THOC5: variants seen among roughly 807,000 people sequenced by gnomAD.
THOC5 encodes THO complex subunit 5.
THOC5 carries 43 observed loss-of-function variants against 92.9 expected under a neutral mutation model. The ratio of observed to expected loss-of-function variants is 0.46; its 90% CI spans 0.36 to 0.60. THOC5 has a LOEUF of 0.60. Among genes scored for constraint, THOC5 ranks in the 20% least tolerant of loss-of-function variants. The pLI is 0.00. For synonymous variants in THOC5, 296 were observed against 320.1 expected (o/e 0.92, Z 0.80); for missense variants, 659 against 849.4 (o/e 0.78, Z 2.79).
intron 17 of THOC5, among the ~76,000 whole-genome samples, chr22:29,513,491 C>T (rs5752937): frequency 0.17 from 26,513 of 151,946 alleles, 2,548 homozygotes; most frequent in Middle Eastern, 0.23. Flanking sequence ...AGGTCAGGAC[C>T]AGCCCAGCCA....
At chr22:29,534,276 G>A (rs2063710848) in intron 7 of THOC5, among the ~76,000 whole-genome samples, 1 of 152,110 alleles carries the variant, frequency 6.6e-6, no homozygotes, top group Non-Finnish European at 1.5e-5. Context: ...GGGGTGTGAG[G>A]GAAGATAGGG....
At chr22:29,544,987 C>A (rs1013444116) in intron 2 of THOC5, 9 of 361,056 alleles carry the variant, frequency 2.5e-5, no homozygotes, top group South Asian at 1.9e-4. Context: ...TTCCCATCTG[C>A]ATTAGTCCAT....
At chr22:29,538,860 C>T (rs2063818036) in intron 6 of THOC5, among the ~76,000 whole-genome samples, 1 of 148,448 alleles carries the variant, frequency 6.7e-6, no homozygotes, top group African/African-American at 2.5e-5. Flanking sequence ...TCTGTAATCC[C>T]AGCACTTTGG....
chr22:29,511,978 G>A (rs1370694493), intron 18 of THOC5, 43 bp downstream of exon 18: 1 of 1,567,158 alleles, frequency 6.4e-7, no homozygotes, highest in Admixed American at 1.7e-5. Context: ...ACCTCCCCCG[G>A]GAGCTCTGCC....
chr22:29,543,397 G>T, intron 4 of THOC5, 32 bp downstream of exon 4: 3 of 1,387,568 alleles, frequency 2.2e-6, no homozygotes, highest in Non-Finnish European at 3.0e-6. Context: ...GGAGGAAGGA[G>T]GAAGGTTAAA....
chr22:29,523,634 G>T (rs1033826621), intron 12 of THOC5, among the ~76,000 whole-genome samples: 21 of 152,152 alleles, frequency 1.4e-4, no homozygotes, highest in African/African-American at 5.1e-4. Context: ...ACGGTGGAAA[G>T]CCCAAGACAA....
At chr22:29,530,146 AAAAAAAG>A in intron 8 of THOC5, among the ~76,000 whole-genome samples, 1 of 151,676 alleles carries the variant, frequency 6.6e-6, no homozygotes, top group South Asian at 2.1e-4. Context: ...CTGTCTCAAA[AAAAAAAG>A]AAAAAAGAAA....
intron 19 of THOC5, among the ~76,000 whole-genome samples, chr22:29,510,138 G>A (rs1416746497): frequency 6.6e-6 from 1 of 152,196 alleles, no homozygotes; most frequent in African/African-American, 2.4e-5. Context: ...CAAAATGAAA[G>A]AGAAAGGAAA....
At chr22:29,543,057 G>A in intron 4 of THOC5, 101 bp from the exon 5 acceptor site, 2 of 840,226 alleles carry the variant, frequency 2.4e-6, no homozygotes, top group Non-Finnish European at 3.8e-6. Context: ...TAAAGAAGGG[G>A]ATGGGGCTGG....
chr22:29,531,022 G>C (rs1343111029), intron 8 of THOC5: 1 of 1,022,590 alleles, frequency 9.8e-7, no homozygotes, highest in African/African-American at 1.7e-5. Context: ...CATTCTACAA[G>C]AACATCAGAA....
At chr22:29,522,297 T>C (rs2063458670) in intron 12 of THOC5, among the ~76,000 whole-genome samples, 1 of 151,654 alleles carries the variant, frequency 6.6e-6, no homozygotes, top group Non-Finnish European at 1.5e-5. Context: ...GAGACGGAGC[T>C]GGCAATAAGC....
chr22:29,521,187 G>A lies in THOC5; in HGVS notation c.1176-88C>T, dbSNP rs556549421. The A allele has an allele frequency of 3.5e-4, 328 of 944,018 alleles. 1 individual carries two copies. The highest frequency in any genetic ancestry group is 6.3e-4 in the Admixed American group (34 of 54,034). 58.5% of individuals were successfully genotyped at this position (944,018 alleles called of 1,614,324 possible). On this transcript the variant is annotated intron_variant, in intron 12 of 19. Coordinates refer to ENST00000490103, the MANE Select transcript of THOC5 (RefSeq NM_003678.5). The stretch of plus-strand genomic sequence containing the variant: ...GGGCATTTGGGGATGGTAATGCCAC[G>A]TCTCACTGATGACCAATGCCACCAT...
At chr22:29,533,330 A>T (rs1480804903) in intron 7 of THOC5, among the ~76,000 whole-genome samples, 1 of 152,264 alleles carries the variant, frequency 6.6e-6, no homozygotes, top group African/African-American at 2.4e-5. Flanking sequence ...GGACACAGAG[A>T]TTATACACAT....
chr22:29,520,547 G>A (rs988460277), intron 13 of THOC5, among the ~76,000 whole-genome samples: 17 of 152,092 alleles, frequency 1.1e-4, no homozygotes, highest in Admixed American at 7.2e-4. Context: ...CCAGGCTGGA[G>A]TACAGCGACA....
intron 2 of THOC5, 47 bp from the exon 3 acceptor site, chr22:29,544,650 C>A: frequency 6.7e-7 from 1 of 1,490,772 alleles, no homozygotes; most frequent in Non-Finnish European, 9.0e-7. Flanking sequence ...GTAAAAGTCT[C>A]CCTGCTGGGA....
intron 9 of THOC5, chr22:29,528,815 G>T: frequency 2.0e-6 from 1 of 496,866 alleles, no homozygotes. Context: ...GGTACTATGT[G>T]CTGAGAATTA....
intron 18 of THOC5, 21 bp from the exon 19 acceptor site, chr22:29,511,317 C>G (rs1210689480): frequency 6.2e-7 from 1 of 1,601,062 alleles, no homozygotes; most frequent in African/African-American, 1.3e-5. Flanking sequence ...GGAAAGCCAG[C>G]ATCTCAGCAC....
chr22:29,539,267 T>A (rs2063829475), intron 6 of THOC5, 63 bp downstream of exon 6: 1 of 1,561,932 alleles, frequency 6.4e-7, no homozygotes, highest in Non-Finnish European at 8.7e-7. Flanking sequence ...TGCTGCCTTA[T>A]CCTGGGTCAT....
Position 29,547,365 on chromosome 22 carries a change from CT to C in THOC5, c.96+1686del, listed in dbSNP as rs201993846. ...ACCTTATTGTTCATATCATTATCAA[CT>C]TTTTTTTTTTTCTTTGAGATGGAGT... is the stretch of plus-strand genomic sequence containing the variant. On this transcript the variant is annotated intron_variant, in intron 2 of 19. Transcript: ENST00000490103. 3.6e-3 allele frequency among the ~76,000 whole-genome samples: 530 copies of C among 147,406 alleles called. 4 individuals carry two copies. Among genetic ancestry groups the C allele is most frequent in the African/African-American group, 0.012 (468 of 40,530 alleles).
Sources: gnomAD v4.1 joint callset for allele counts (sites outside exome capture counted in the v4.1 genomes callset) on GRCh38, gnomAD v4.1.1 for gene constraint, MANE v1.5 for transcripts, NCBI Gene and HGNC (gene_info 2026-07-23, HGNC 2026-07-21) for gene names.